CSMD2: variants seen among roughly 807,000 people sequenced by gnomAD.
CSMD2 encodes CUB and sushi domain-containing protein 2.
In CSMD2, 130 loss-of-function variants were observed where a neutral mutation model predicts 398.5. The ratio of observed to expected loss-of-function variants is 0.33; its 90% CI spans 0.28 to 0.38. CSMD2 has a LOEUF of 0.38. CSMD2 is among the 10% of genes least tolerant of loss of function. CSMD2 has a pLI of 1.00. For synonymous variants in CSMD2, 1,828 were observed against 1,908.5 expected (o/e 0.96, Z 1.10); for missense variants, 3,829 against 4,764.9 (o/e 0.80, Z 5.78).
At position 33,724,326 on chromosome 1, in the gene CSMD2, T is replaced by G; in HGVS notation, c.2885-13A>C. The G allele has an allele frequency of 6.3e-7, 1 of 1,593,818 alleles. No homozygotes were observed. The highest frequency in any genetic ancestry group is 1.1e-5 in the South Asian group (1 of 90,226). On this transcript the variant is annotated splice_polypyrimidine_tract_variant and intron_variant, in intron 18 of 70. Transcript: ENST00000373381. Reference sequence around the variant, plus strand: ...CCACCACAGAGAGCTACAGAAGGAGTGAAGAGGGCAGTGAAAGACCAGAGG... The same window carrying G: ...CCACCACAGAGAGCTACAGAAGGAGGGAAGAGGGCAGTGAAAGACCAGAGG...
chr1:33,886,232 C>T (rs562590965), intron 5 of CSMD2, among the ~76,000 whole-genome samples: 2 of 152,132 alleles, frequency 1.3e-5, no homozygotes, highest in East Asian at 1.9e-4. Flanking sequence ...AGCAAGGAAA[C>T]AGCACAGCCA....
At chr1:33,641,577 A>G (rs1227834334) in intron 29 of CSMD2, among the ~76,000 whole-genome samples, 1 of 152,232 alleles carries the variant, frequency 6.6e-6, no homozygotes, top group Non-Finnish European at 1.5e-5. Context: ...AATTCAGAAT[A>G]GAAGTGCCTC....
At chr1:33,799,469 G>A (rs1405141837) in intron 10 of CSMD2, among the ~76,000 whole-genome samples, 1 of 152,194 alleles carries the variant, frequency 6.6e-6, no homozygotes, top group African/African-American at 2.4e-5. Context: ...CATAATTTGG[G>A]ATGCTGTGAA....
rs146442508 is a variant in CSMD2 at position 33,657,989 on chromosome 1, G to C, written c.4404C>G (p.Ile1468Met). 3.7e-6 allele frequency: 6 copies of C among 1,613,998 alleles called. No homozygotes were observed. The Admixed American group carries it at 5.0e-5, about 13-fold the overall frequency. The change falls in exon 27 of 71, where the codon ATC (isoleucine) becomes ATG (methionine). Residue 1468 changes from isoleucine to methionine, a missense_variant. Physicochemically the swap from Ile to Met is conservative, Grantham distance 10. Around this residue, in one of 5 missense-constraint regions of CSMD2, gnomAD observed 2,001 missense variants for 2,567.1 expected, o/e 0.78. Transcript: ENST00000373381. ...TGGGCTGCCAGAAGAACCTGTTCTC[G>C]ATCTTCACACAGCTGATCTCTGCAC... ...QGSAEISCVKIENRFFWQPSP... is the reference protein window; with the variant it reads ...QGSAEISCVKMENRFFWQPSP...
At chr1:34,155,950 TA>T (rs1256386724) in intron 1 of CSMD2, among the ~76,000 whole-genome samples, 1 of 152,296 alleles carries the variant, frequency 6.6e-6, no homozygotes, top group Non-Finnish European at 1.5e-5. Context: ...CATAGGTGGT[TA>T]GGGGCATAGC....
At chr1:34,121,860 C>T (rs1323183263) in intron 1 of CSMD2, among the ~76,000 whole-genome samples, 3 of 152,114 alleles carry the variant, frequency 2.0e-5, no homozygotes, top group African/African-American at 7.2e-5. Flanking sequence ...TTCTCCACAA[C>T]CTCAGGACTG....
chr1:33,831,399 T>C (rs2125036210), intron 6 of CSMD2, among the ~76,000 whole-genome samples: 1 of 152,216 alleles, frequency 6.6e-6, no homozygotes, highest in East Asian at 1.9e-4. Context: ...GAATTTCATA[T>C]CCAGCCAAAC....
chr1:34,052,322 T>C (rs1330508264), intron 2 of CSMD2, among the ~76,000 whole-genome samples: 6 of 152,046 alleles, frequency 3.9e-5, no homozygotes, highest in South Asian at 2.1e-4. Context: ...AATTACTACA[T>C]AGTGTTTGCA....
At chr1:33,603,496 C>G (rs1198105085) in intron 42 of CSMD2, among the ~76,000 whole-genome samples, 2 of 152,148 alleles carry the variant, frequency 1.3e-5, no homozygotes, top group Admixed American at 1.3e-4. Context: ...CAACAGATTC[C>G]AAGCAGAGGC....
Position 33,756,293 on chromosome 1 carries a change from C to T in CSMD2, c.1847-12687G>A, listed in dbSNP as rs559013071. On this transcript the variant is annotated intron_variant, in intron 13 of 70. Coordinates refer to ENST00000373381, the MANE Select transcript of CSMD2 (RefSeq NM_001281956.2). ...TCCAGTGGTCTTTGAAATGTCTCCA[C>T]CTAGCTCAAGTATTGATGGAGTGAC... 3.3e-5 allele frequency among the ~76,000 whole-genome samples: 5 copies of T among 152,272 alleles called. No homozygotes were observed. In the South Asian group the frequency reaches 1.0e-3, roughly 32 times the overall value.
At chr1:33,994,528 T>C (rs1293110615) in intron 3 of CSMD2, among the ~76,000 whole-genome samples, 2 of 152,148 alleles carry the variant, frequency 1.3e-5, no homozygotes, top group Admixed American at 1.3e-4. Context: ...TTAAGATCCA[T>C]GAAAGGAAGG....
At chr1:34,074,074 G>A (rs1656045830) in intron 2 of CSMD2, among the ~76,000 whole-genome samples, 1 of 152,172 alleles carries the variant, frequency 6.6e-6, no homozygotes, top group Non-Finnish European at 1.5e-5. Flanking sequence ...AGAGGATGGT[G>A]ATAACCATTC....
rs562906943 is a variant in CSMD2 at position 33,684,798 on chromosome 1, AC to A, written c.4052+8131del. On this transcript the variant is annotated intron_variant, in intron 25 of 70. Coordinates refer to ENST00000373381, the MANE Select transcript of CSMD2 (RefSeq NM_001281956.2). ...GAAAGGTGCTTCCTCCCTGTAGTCC[AC>A]CCCCAACTGCCATACAGAATTATGA... Among the ~76,000 whole-genome samples the A allele has an allele frequency of 5.9e-5, 9 of 152,180 alleles. No homozygotes were observed. The South Asian group carries it at 1.9e-3, about 32-fold the overall frequency.
intron 31 of CSMD2, among the ~76,000 whole-genome samples, chr1:33,634,167 A>G (rs1642652939): frequency 6.6e-6 from 1 of 152,158 alleles, no homozygotes; most frequent in Non-Finnish European, 1.5e-5. Flanking sequence ...GTGTACATGT[A>G]CATAGGTGTC....
intron 4 of CSMD2, among the ~76,000 whole-genome samples, chr1:33,919,106 A>T (rs761598525): frequency 6.6e-6 from 1 of 152,242 alleles, no homozygotes; most frequent in Non-Finnish European, 1.5e-5. Context: ...ACCACAGTCC[A>T]GGTGAGGCTG....
At chr1:33,899,474 C>A (rs562024442) in intron 5 of CSMD2, among the ~76,000 whole-genome samples, 1 of 152,370 alleles carries the variant, frequency 6.6e-6, no homozygotes, top group African/African-American at 2.4e-5. Context: ...AATGACCTCA[C>A]TGAGTCTCGG....
At chr1:34,003,450 T>A (rs892855949) in intron 3 of CSMD2, among the ~76,000 whole-genome samples, 1 of 152,170 alleles carries the variant, frequency 6.6e-6, no homozygotes, top group Non-Finnish European at 1.5e-5. Context: ...ACAGCCTGCA[T>A]CCATCATGCC....
At chr1:34,095,735 C>A (rs1204943212) in intron 1 of CSMD2, among the ~76,000 whole-genome samples, 4 of 151,112 alleles carry the variant, frequency 2.6e-5, no homozygotes, top group South Asian at 2.1e-4. Context: ...CTGAATAGAC[C>A]AATAACAGGA....
intron 24 of CSMD2, among the ~76,000 whole-genome samples, chr1:33,697,556 C>T (rs1011165085): frequency 2.0e-5 from 3 of 152,212 alleles, no homozygotes; most frequent in Non-Finnish European, 4.4e-5. Context: ...GCCTTTAACA[C>T]TTCCCACCAT....
Sources: allele counts gnomAD v4.1 joint callset (sites outside exome capture counted in the v4.1 genomes callset), GRCh38; gene constraint gnomAD v4.1.1; regional missense constraint gnomAD v4.1.1; transcripts MANE v1.5; gene names NCBI Gene and HGNC (gene_info 2026-07-23, HGNC 2026-07-21).